Variants in RAD54B observed in about 807,000 individuals in gnomAD.
The protein encoded by RAD54B is RAD54 homolog B, also known as DNA repair and recombination protein RAD54B.
In RAD54B, 78 loss-of-function variants were observed where a neutral mutation model predicts 95.8. The ratio of observed to expected loss-of-function variants is 0.81; its 90% CI spans 0.68 to 0.98. The LOEUF is 0.98. Ranked by LOEUF, RAD54B falls within the 50% of genes least tolerant of loss-of-function variation. The pLI, the probability that RAD54B is intolerant of heterozygous loss-of-function variation, is 0.00. For synonymous variants in RAD54B, 328 were observed against 354.9 expected (o/e 0.92, Z 0.85); for missense variants, 957 against 1,056.6 (o/e 0.91, Z 1.31).
chr8:94,400,207 A>G, intron 7 of RAD54B, 31 bp downstream of exon 7: 1 of 1,563,432 alleles, frequency 6.4e-7, no homozygotes, highest in African/African-American at 1.4e-5. Context: ...TTTTTTTTAA[A>G]TGACTAAGGC....
At position 94,372,365 on chromosome 8, in the gene RAD54B, A is replaced by G; in HGVS notation, c.2538T>C (p.Ile846=). The G allele has an allele frequency of 5.0e-6, 8 of 1,613,008 alleles. No homozygotes were observed. Among genetic ancestry groups the G allele is most frequent in the Non-Finnish European group, 6.8e-6 (8 of 1,179,746 alleles). ...GACCAAGCTGACAATCTCTAGAGAC[A>G]ATGAATTTTTCCAACGAATCACCTG... ...VHTGDSLEKF[I]VSRDCQLGPH... Residue 846 remains isoleucine, a synonymous_variant, in exon 15 of 15, where the codon ATT becomes ATC. Coordinates refer to ENST00000336148, the MANE Select transcript of RAD54B (RefSeq NM_012415.3).
chr8:94,424,533 T>TG (rs1811895959), intron 3 of RAD54B, among the ~76,000 whole-genome samples: 1 of 152,154 alleles, frequency 6.6e-6, no homozygotes, highest in African/African-American at 2.4e-5. Context: ...AAAAACAAGA[T>TG]CGTTGGGAAC....
At chr8:94,385,295 T>C (rs1810857878) in intron 11 of RAD54B, among the ~76,000 whole-genome samples, 1 of 152,080 alleles carries the variant, frequency 6.6e-6, no homozygotes, top group Non-Finnish European at 1.5e-5. Context: ...CAAAACTCTT[T>C]TCACTCATTA....
chr8:94,433,396 T>C (rs952035690), intron 3 of RAD54B, among the ~76,000 whole-genome samples: 10 of 152,056 alleles, frequency 6.6e-5, no homozygotes, highest in African/African-American at 2.4e-4. Flanking sequence ...ACCTAGCAGG[T>C]ACTGTACTTA....
At chr8:94,415,454 T>A (rs1437840085) in intron 3 of RAD54B, among the ~76,000 whole-genome samples, 1 of 150,594 alleles carries the variant, frequency 6.6e-6, no homozygotes, top group Non-Finnish European at 1.5e-5. Flanking sequence ...GACACAGGCA[T>A]GGGCAAGGAC....
At chr8:94,474,134 T>C (rs370535566) in intron 1 of RAD54B, among the ~76,000 whole-genome samples, 13 of 152,334 alleles carry the variant, frequency 8.5e-5, no homozygotes, top group African/African-American at 2.9e-4. Context: ...AAATATTGCA[T>C]GTTCTCACTT....
At chr8:94,424,304 C>G (rs1390095289) in intron 3 of RAD54B, among the ~76,000 whole-genome samples, 1 of 152,150 alleles carries the variant, frequency 6.6e-6, no homozygotes, top group Non-Finnish European at 1.5e-5. Flanking sequence ...GTTTATAAAT[C>G]TATAAAATGA....
intron 3 of RAD54B, among the ~76,000 whole-genome samples, chr8:94,420,275 T>A (rs797001294): frequency 0.011 from 1,282 of 113,698 alleles, 19 homozygotes; most frequent in African/African-American, 0.039. Flanking sequence ...TTTTTTTTTT[T>A]AAGACAGAGT....
intron 2 of RAD54B, among the ~76,000 whole-genome samples, chr8:94,463,922 G>GA (rs1393122598): frequency 2.1e-5 from 3 of 139,646 alleles, no homozygotes; most frequent in Non-Finnish European, 3.1e-5. Flanking sequence ...AAGAAAGAAA[G>GA]AAAAAAGAGA....
intron 3 of RAD54B, chr8:94,427,935 A>T (rs1811985331): frequency 1.1e-6 from 1 of 918,480 alleles, no homozygotes; most frequent in African/African-American, 1.8e-5. Flanking sequence ...ACTCCTTAAA[A>T]AAAAAAATGA....
chr8:94,446,990 T>A (rs1055386747), intron 3 of RAD54B, among the ~76,000 whole-genome samples: 9 of 140,102 alleles, frequency 6.4e-5, no homozygotes, highest in African/African-American at 2.2e-4. Context: ...AAAAAAAAAA[T>A]CTGTCACATA....
intron 12 of RAD54B, 145 bp downstream of exon 12, chr8:94,380,000 T>G (rs1810693260): frequency 1.2e-6 from 1 of 842,688 alleles, no homozygotes; most frequent in African/African-American, 1.7e-5. Context: ...ATTAAACAGA[T>G]GGAAAGCACT....
intron 3 of RAD54B, among the ~76,000 whole-genome samples, chr8:94,414,264 G>A (rs997791067): frequency 5.9e-5 from 9 of 152,132 alleles, no homozygotes; most frequent in African/African-American, 1.4e-4. Context: ...CAATCATGCC[G>A]TCTGCAAACA....
At chr8:94,428,475 C>T in intron 3 of RAD54B, 1 of 256,630 alleles carries the variant, frequency 3.9e-6, no homozygotes, top group Non-Finnish European at 6.1e-6. Flanking sequence ...TACACACATC[C>T]TTCCATATAC....
At position 94,391,724 on chromosome 8, in the gene RAD54B, GA is replaced by G. The variant is rs1233660391; in HGVS notation, c.1693del (p.Ser565LeufsTer18). ...TTGAAGGCAGAACCTGACAACCTGA[GA>G]ATTTAACAGCTTTCGATAAAGCTCA... ...QIELYRKLLNSQVVRFCLQGL... is the reference protein window; with the variant it reads ...QIELYRKLLNXQVVRFCLQGL... On this transcript the variant is annotated frameshift_variant, in exon 10 of 15. Transcript: ENST00000336148. LOFTEE classifies it high-confidence loss of function. 3 of 1,614,006 alleles carry G rather than the reference GA, an allele frequency of 1.9e-6. No homozygotes were observed. The highest frequency in any genetic ancestry group is 2.5e-6 in the Non-Finnish European group (3 of 1,180,002).
chr8:94,431,143 G>C (rs551714324), intron 3 of RAD54B: 33 of 928,400 alleles, frequency 3.6e-5, no homozygotes, highest in Non-Finnish European at 4.1e-5. Flanking sequence ...TAATATGTAT[G>C]CTTTAAGAAT....
At chr8:94,472,172 A>G (rs933535339) in intron 1 of RAD54B, among the ~76,000 whole-genome samples, 16 of 152,338 alleles carry the variant, frequency 1.1e-4, no homozygotes, top group East Asian at 3.8e-4. Flanking sequence ...GCAAATTATG[A>G]AACAGATGGT....
chr8:94,414,335 T>C (rs563460479), intron 3 of RAD54B, among the ~76,000 whole-genome samples: 1 of 152,184 alleles, frequency 6.6e-6, no homozygotes, highest in African/African-American at 2.4e-5. Flanking sequence ...TCCTGCCTAA[T>C]TGCCCTGGCC....
intron 11 of RAD54B, among the ~76,000 whole-genome samples, chr8:94,381,690 CGA>C (rs891758989): frequency 6.6e-6 from 1 of 151,606 alleles, no homozygotes; most frequent in African/African-American, 2.4e-5. Context: ...GATAATAGTA[CGA>C]GAGTTTGACA....
Sources: allele counts gnomAD v4.1 joint callset (sites outside exome capture counted in the v4.1 genomes callset), GRCh38; gene constraint gnomAD v4.1.1; transcripts MANE v1.5; gene names NCBI Gene and HGNC (gene_info 2026-07-23, HGNC 2026-07-21).